The following NREP variants were observed in gnomAD, a reference collection of about 807,000 sequenced individuals.
NREP encodes the protein neuronal regeneration-related protein.
NREP carries 5 observed loss-of-function variants against 8.6 expected under a neutral mutation model. That is an observed-to-expected ratio of 0.58 (90% confidence interval 0.30 to 1.22). NREP has a LOEUF of 1.22. Ranked by LOEUF, NREP falls within the 50% of genes most tolerant of loss-of-function variation. The probability of loss-of-function intolerance (pLI) is 0.07; values close to 1 mark genes in which losing one functional copy is unlikely to be tolerated. For missense variants in NREP, 86 were observed against 82.5 expected (o/e 1.04, Z -0.17); for synonymous variants, 27 against 28.0 (o/e 0.96, Z 0.11).
At chr5:111,854,644 T>A (rs1401102374) in intron 2 of NREP, among the ~76,000 whole-genome samples, 1 of 152,210 alleles carries the variant, frequency 6.6e-6, no homozygotes, top group Admixed American at 6.5e-5. Context: ...GAAAAATAGT[T>A]CTAATCAATT....
chr5:111,802,908 A>C (rs75144033), intron 2 of NREP, among the ~76,000 whole-genome samples: 9,936 of 152,276 alleles, frequency 0.065, 1,096 homozygotes, highest in African/African-American at 0.23. Flanking sequence ...GCCCAAAGAA[A>C]GAAGCTGAAA....
intron 2 of NREP, among the ~76,000 whole-genome samples, chr5:111,846,785 C>A (rs906814449): frequency 1.3e-5 from 2 of 152,118 alleles, no homozygotes; most frequent in Admixed American, 6.5e-5. Context: ...CTTGGATTTG[C>A]TCCTTGTTTA....
chr5:111,732,906 G>A (rs1038406923), intron 3 of NREP: 1 of 152,164 alleles, frequency 6.6e-6, no homozygotes, highest in African/African-American at 2.4e-5. Context: ...CCTTAAAACT[G>A]CTCCAGTTCA....
At chr5:111,958,941 T>A (rs1293094822) in intron 2 of NREP, among the ~76,000 whole-genome samples, 1 of 151,860 alleles carries the variant, frequency 6.6e-6, no homozygotes, top group African/African-American at 2.4e-5. Context: ...TGAGACAGAA[T>A]AGATAGCCTT....
intron 2 of NREP, among the ~76,000 whole-genome samples, chr5:111,866,374 C>G (rs1753664612): frequency 6.6e-6 from 1 of 152,102 alleles, no homozygotes; most frequent in Non-Finnish European, 1.5e-5. Context: ...GACATTTATG[C>G]AGGCAAAAGA....
intron 2 of NREP, among the ~76,000 whole-genome samples, chr5:111,905,942 T>A (rs1328424752): frequency 6.6e-6 from 1 of 152,090 alleles, no homozygotes; most frequent in African/African-American, 2.4e-5. Context: ...ATATTTATAT[T>A]GGTTTTTGAA....
chr5:111,942,508 A>T (rs1755856795), intron 2 of NREP, among the ~76,000 whole-genome samples: 1 of 152,046 alleles, frequency 6.6e-6, no homozygotes. Flanking sequence ...ATTGCAAAGC[A>T]GTTTGTGCTA....
chr5:111,789,794 T>C (rs576726383), intron 2 of NREP, among the ~76,000 whole-genome samples: 2 of 152,220 alleles, frequency 1.3e-5, no homozygotes, highest in East Asian at 1.9e-4. Context: ...AGCCAAACCA[T>C]ATGAGCTCAC....
intron 2 of NREP, among the ~76,000 whole-genome samples, chr5:111,768,613 C>G (rs1003334282): frequency 6.6e-6 from 1 of 152,106 alleles, no homozygotes; most frequent in Non-Finnish European, 1.5e-5. Context: ...GAGAAGGTGT[C>G]GTATTTGAAT....
At chr5:111,951,883 T>G (rs575298494) in intron 2 of NREP, among the ~76,000 whole-genome samples, 15 of 152,140 alleles carry the variant, frequency 9.9e-5, no homozygotes, top group Admixed American at 2.6e-4. Flanking sequence ...ATACTAGAAA[T>G]AATAGAGCAA....
intron 2 of NREP, among the ~76,000 whole-genome samples, chr5:111,774,231 G>A (rs1014324782): frequency 6.7e-6 from 1 of 149,882 alleles, no homozygotes; most frequent in East Asian, 1.9e-4. Context: ...GAAGAAGGGA[G>A]GGAAGGAAGA....
intron 2 of NREP, among the ~76,000 whole-genome samples, chr5:111,905,699 C>A (rs988114825): frequency 1.3e-5 from 2 of 151,960 alleles, no homozygotes; most frequent in African/African-American, 2.4e-5. Context: ...CCAAGTGAAA[C>A]AAAACACCAA....
At chr5:111,853,625 A>T (rs1753359680) in intron 2 of NREP, among the ~76,000 whole-genome samples, 1 of 152,100 alleles carries the variant, frequency 6.6e-6, no homozygotes. Context: ...TAAGTTTGTT[A>T]CTATTATTAC....
At chr5:111,858,486 A>G (rs1753473645) in intron 2 of NREP, among the ~76,000 whole-genome samples, 1 of 152,088 alleles carries the variant, frequency 6.6e-6, no homozygotes, top group African/African-American at 2.4e-5. Flanking sequence ...TCTCATGAAG[A>G]AATCTAGACA....
At chr5:111,933,986 GGAA>G (rs1196123702) in intron 2 of NREP, among the ~76,000 whole-genome samples, 1 of 152,058 alleles carries the variant, frequency 6.6e-6, no homozygotes. Context: ...TTAGTTTAGG[GGAA>G]GAAGTACAGC....
rs554918457 is a variant in NREP, at chr5:111,756,254, A to T, written c.-58-424T>A. 22 of 958,460 alleles carry T rather than the reference A, an allele frequency of 2.3e-5. No individual in the cohort carries two copies. In the African/African-American group the frequency reaches 4.3e-4, roughly 19 times the overall value. 59.4% of individuals were successfully genotyped at this position (958,460 alleles called of 1,614,324 possible). A position where few individuals can be genotyped will look rare whatever the true frequency, so the allele number is the denominator to read the frequency against. On this transcript the variant is annotated intron_variant, in intron 1 of 3. Transcript: ENST00000257435. ...CGTGTAGTGTAATGCCTCAGAGTGG[A>T]TATTTTTGGAAATGGCACTGCATTA...
At chr5:111,803,882 C>T (rs1371339263) in intron 2 of NREP, among the ~76,000 whole-genome samples, 2 of 152,104 alleles carry the variant, frequency 1.3e-5, no homozygotes, top group African/African-American at 2.4e-5. Flanking sequence ...CAAAAGTGGA[C>T]TTGAAAATAT....
intron 3 of NREP, chr5:111,735,085 AAT>A (rs1748980854): frequency 3.1e-6 from 1 of 320,088 alleles, no homozygotes; most frequent in Non-Finnish European, 5.7e-6. Context: ...GCAGACAATT[AAT>A]AGTCATCATA....
chr5:111,767,787 T>C (rs1472042217), intron 2 of NREP, among the ~76,000 whole-genome samples: 1 of 152,106 alleles, frequency 6.6e-6, no homozygotes, highest in Non-Finnish European at 1.5e-5. Flanking sequence ...CACCTCAGCC[T>C]CCTGAGTAGA....
Sources: gnomAD v4.1 joint callset for allele counts (sites outside exome capture counted in the v4.1 genomes callset) on GRCh38, gnomAD v4.1.1 for gene constraint, MANE v1.5 for transcripts, NCBI Gene and HGNC (gene_info 2026-07-23, HGNC 2026-07-21) for gene names.